MKLN1: variants seen among roughly 807,000 people sequenced by gnomAD.
MKLN1 encodes the protein muskelin 1.
Under a neutral mutation model 99.0 loss-of-function variants are expected in MKLN1, and 18 were observed. That is an observed-to-expected ratio of 0.18 (90% CI 0.13 to 0.27). MKLN1 has a LOEUF of 0.27. MKLN1 is among the 10% of genes least tolerant of loss of function. The pLI is 1.00. For missense variants in MKLN1, 621 were observed against 875.9 expected, an observed-to-expected ratio of 0.71 and a Z score of 3.67; for synonymous variants, 288 against 293.2, an observed-to-expected ratio of 0.98 and a Z score of 0.18.
intron 8 of MKLN1, among the ~76,000 whole-genome samples, chr7:131,422,799 A>G (rs902681579): frequency 2.6e-5 from 4 of 151,944 alleles, no homozygotes; most frequent in African/African-American, 9.7e-5. Flanking sequence ...TAAAAGGTGT[A>G]TGATGGCACA....
intron 3 of MKLN1, among the ~76,000 whole-genome samples, chr7:131,214,471 G>A (rs1031679747): frequency 7.2e-5 from 11 of 152,186 alleles, no homozygotes; most frequent in African/African-American, 2.7e-4. Flanking sequence ...TACTGTAGCA[G>A]CCATCTTGTC....
At chr7:131,412,133 T>A (rs1489928458) in intron 7 of MKLN1, among the ~76,000 whole-genome samples, 1 of 151,920 alleles carries the variant, frequency 6.6e-6, no homozygotes, top group Non-Finnish European at 1.5e-5. Context: ...AAGCAGATGT[T>A]TAAAACAAGG....
chr7:131,331,313 A>C (rs1467018375), intron 1 of MKLN1, among the ~76,000 whole-genome samples: 1 of 152,238 alleles, frequency 6.6e-6, no homozygotes, highest in Non-Finnish European at 1.5e-5. Flanking sequence ...CTTTAATAAC[A>C]GTCACCACTT....
chr7:131,218,857 G>A (rs147130057), intron 3 of MKLN1, among the ~76,000 whole-genome samples: 2 of 152,282 alleles, frequency 1.3e-5, no homozygotes, highest in East Asian at 3.9e-4. Context: ...TTACCAAGGA[G>A]AACAAGCATT....
chr7:131,197,785 G>GA (rs1213069913), intron 2 of MKLN1, among the ~76,000 whole-genome samples: 2 of 148,084 alleles, frequency 1.4e-5, no homozygotes, highest in Non-Finnish European at 3.0e-5. Context: ...TGCCAAAAAA[G>GA]AAAAAAAAAG....
At chr7:131,218,419 T>C (rs1979567) in intron 3 of MKLN1, among the ~76,000 whole-genome samples, 43,712 of 151,994 alleles carry the variant, frequency 0.29, 6,632 homozygotes, top group South Asian at 0.44. Context: ...GAAAGTGGTT[T>C]TGGTCCCTGA....
intron 7 of MKLN1, among the ~76,000 whole-genome samples, chr7:131,414,182 T>A (rs944535979): frequency 6.6e-6 from 1 of 152,186 alleles, no homozygotes; most frequent in East Asian, 1.9e-4. Context: ...TTAATATCAT[T>A]AATATAAAAC....
intron 3 of MKLN1, among the ~76,000 whole-genome samples, chr7:131,253,418 G>A (rs1424198393): frequency 6.6e-6 from 1 of 152,202 alleles, no homozygotes; most frequent in Non-Finnish European, 1.5e-5. Flanking sequence ...GTGCAGCCAA[G>A]AGGTGGGTGA....
intron 3 of MKLN1, among the ~76,000 whole-genome samples, chr7:131,228,926 T>C (rs959439713): frequency 6.6e-6 from 1 of 152,204 alleles, no homozygotes; most frequent in Admixed American, 6.5e-5. Context: ...TGTGAGCCAG[T>C]AGAAGTGACT....
intron 12 of MKLN1, among the ~76,000 whole-genome samples, chr7:131,453,389 A>T (rs954551219): frequency 2.0e-5 from 3 of 152,192 alleles, no homozygotes; most frequent in African/African-American, 7.2e-5. Flanking sequence ...GTATATGGTA[A>T]AGTTGGCATT....
intron 8 of MKLN1, among the ~76,000 whole-genome samples, chr7:131,415,294 A>T (rs527516822): frequency 1.3e-5 from 2 of 152,206 alleles, no homozygotes. Flanking sequence ...TACCATAGCT[A>T]TATTTTATTA....
At chr7:131,138,928 T>C (rs1448620282) in intron 1 of MKLN1, among the ~76,000 whole-genome samples, 3 of 152,198 alleles carry the variant, frequency 2.0e-5, no homozygotes, top group Non-Finnish European at 2.9e-5. Context: ...TTTCCACGAA[T>C]CAAGTCATGC....
intron 3 of MKLN1, among the ~76,000 whole-genome samples, chr7:131,227,728 G>T (rs1419879496): frequency 6.6e-6 from 1 of 151,846 alleles, no homozygotes; most frequent in African/African-American, 2.4e-5. Flanking sequence ...ACCATGCATG[G>T]CTAACTTTCA....
In MKLN1 at chr7:131,380,873, C is replaced by G. The variant is rs560540968; in HGVS notation, c.168+5380C>G. The stretch of plus-strand genomic sequence containing the variant: ...ATTTTGGTTTCATATACAGTTGATT[C>G]TGGTTATTCACAGTAGTTATGTCCT... On this transcript the variant is annotated intron_variant, in intron 2 of 17. Coordinates refer to ENST00000352689, the MANE Select transcript of MKLN1 (RefSeq NM_013255.5). Among the ~76,000 whole-genome samples the G allele has an allele frequency of 1.2e-4, 18 of 152,220 alleles. 1 individual carries two copies. In the South Asian group the frequency reaches 3.7e-3, roughly 32 times the overall value.
intron 3 of MKLN1, among the ~76,000 whole-genome samples, chr7:131,277,634 T>G (rs1252748649): frequency 6.6e-6 from 1 of 152,250 alleles, no homozygotes. Flanking sequence ...CAGGCTGGTC[T>G]CAAACTCTTG....
intron 1 of MKLN1, among the ~76,000 whole-genome samples, chr7:131,130,610 T>C (rs1795534932): frequency 6.6e-6 from 1 of 152,232 alleles, no homozygotes; most frequent in Admixed American, 6.5e-5. Flanking sequence ...ATATTTGTCA[T>C]ACCTGTCATT....
At chr7:131,283,333 CCCTTCCCTTCCCCTCCTT>C (rs1257415604) in intron 3 of MKLN1, among the ~76,000 whole-genome samples, 2 of 55,266 alleles carry the variant, frequency 3.6e-5, no homozygotes, top group Non-Finnish European at 6.0e-5. Flanking sequence ...CTCCCTCCTT[CCCTTCCCTTCCCCTCCTT>C]CCTTCCTTCC....
intron 3 of MKLN1, among the ~76,000 whole-genome samples, chr7:131,281,803 T>C (rs1798056451): frequency 6.6e-6 from 1 of 152,002 alleles, no homozygotes; most frequent in African/African-American, 2.4e-5. Context: ...ATCTCAGTCT[T>C]GTGAGTGGCT....
At chr7:131,285,608 A>G (rs528423293) in intron 3 of MKLN1, among the ~76,000 whole-genome samples, 2 of 152,348 alleles carry the variant, frequency 1.3e-5, no homozygotes, top group African/African-American at 4.8e-5. Flanking sequence ...GGAAGAAGTC[A>G]GCATTCTTTT....
Sources: gnomAD v4.1 joint callset for allele counts (sites outside exome capture counted in the v4.1 genomes callset) on GRCh38, gnomAD v4.1.1 for gene constraint, MANE v1.5 for transcripts, NCBI Gene and HGNC (gene_info 2026-07-23, HGNC 2026-07-21) for gene names.